Variants in ELOVL7 observed in about 807,000 individuals in gnomAD.
The protein encoded by ELOVL7 is ELOVL fatty acid elongase 7, also known as very long chain fatty acid elongase 7.
Under a neutral mutation model 35.7 loss-of-function variants are expected in ELOVL7, and 27 were observed. That is an observed-to-expected ratio of 0.76 (90% CI 0.56 to 1.04). ELOVL7 has a LOEUF of 1.04. ELOVL7 is among the 50% of genes least tolerant of loss of function. ELOVL7 has a pLI of 0.00. For missense variants in ELOVL7, 327 were observed against 340.8 expected, an observed-to-expected ratio of 0.96 and a Z score of 0.32; for synonymous variants, 113 against 114.6, an observed-to-expected ratio of 0.99 and a Z score of 0.09.
Position 60,771,946 on chromosome 5 carries a change from T to G in ELOVL7, c.212A>C (p.Tyr71Ser). 1 of 1,613,874 alleles carries G rather than the reference T, an allele frequency of 6.2e-7. No homozygotes were observed. Among genetic ancestry groups the G allele is most frequent in the South Asian group, 1.1e-5 (1 of 91,028 alleles). The change falls in exon 4 of 9, where the codon TAC becomes TCC. Residue 71 changes from tyrosine to serine, a missense_variant. Physicochemically the swap from Tyr to Ser is moderately radical, Grantham distance 144. Coordinates refer to ENST00000508821, the MANE Select transcript of ELOVL7 (RefSeq NM_024930.3). ...AGAAAAGAGTACTATGAAAAAATTG[T>G]ACGTTATCATTGCTTTCTTGAGTTC... ...PFELKKAMIT[Y>S]NFFIVLFSVY...
chr5:60,761,911 C>G lies in ELOVL7; in HGVS notation c.499+2316G>C, dbSNP rs796632150. Among the ~76,000 whole-genome samples, 6 of 151,990 alleles carry G rather than the reference C, an allele frequency of 3.9e-5. No individual in the cohort carries two copies. The South Asian group carries it at 8.3e-4, about 21-fold the overall frequency. On this transcript the variant is annotated intron_variant, in intron 7 of 8. Coordinates refer to ENST00000508821, the MANE Select transcript of ELOVL7 (RefSeq NM_024930.3). ...GCCTGCGGCATATTCGATATTGAAG[C>G]CTGAGACTAATTCTGATTCTCCTTC... is the stretch of plus-strand genomic sequence containing the variant.
At chr5:60,833,255 G>A (rs1000954241) in intron 1 of ELOVL7, among the ~76,000 whole-genome samples, 2 of 152,166 alleles carry the variant, frequency 1.3e-5, no homozygotes, top group African/African-American at 2.4e-5. Flanking sequence ...TTGGCCAAAC[G>A]AAATGGCCTC....
At chr5:60,814,453 C>G (rs945126417) in intron 1 of ELOVL7, among the ~76,000 whole-genome samples, 3 of 152,110 alleles carry the variant, frequency 2.0e-5, no homozygotes, top group African/African-American at 7.2e-5. Flanking sequence ...TCCCCTGAAA[C>G]CAACTATTGT....
intron 1 of ELOVL7, among the ~76,000 whole-genome samples, chr5:60,815,932 G>C (rs568693773): frequency 6.6e-6 from 1 of 152,204 alleles, no homozygotes; most frequent in Non-Finnish European, 1.5e-5. Context: ...CAGATCTGAG[G>C]CATGTCCTGG....
intron 1 of ELOVL7, among the ~76,000 whole-genome samples, chr5:60,813,629 GT>G (rs1387269772): frequency 2.0e-5 from 3 of 151,242 alleles, no homozygotes; most frequent in Non-Finnish European, 2.9e-5. Context: ...TCAACTCTTT[GT>G]TTTTGTTTAT....
intron 1 of ELOVL7, among the ~76,000 whole-genome samples, chr5:60,810,581 A>G (rs1745186170): frequency 6.6e-6 from 1 of 152,246 alleles, no homozygotes; most frequent in African/African-American, 2.4e-5. Flanking sequence ...AGCACATTAT[A>G]TGTAACCAGT....
At chr5:60,798,470 G>A (rs1744398036) in intron 2 of ELOVL7, among the ~76,000 whole-genome samples, 1 of 152,134 alleles carries the variant, frequency 6.6e-6, no homozygotes, top group African/African-American at 2.4e-5. Flanking sequence ...GGGTGGAGGG[G>A]AGGTGCTTAG....
chr5:60,768,184 A>T (rs1378393957), intron 4 of ELOVL7, among the ~76,000 whole-genome samples: 1 of 152,184 alleles, frequency 6.6e-6, no homozygotes, highest in East Asian at 1.9e-4. Flanking sequence ...AGAATAAAAC[A>T]CTTGGAGTGT....
Position 60,753,623 on chromosome 5 carries a change from A to G in ELOVL7, c.*1001T>C, listed in dbSNP as rs1004161965. Reference sequence around the variant, plus strand: ...CAGCCACTCTAACTCATATCTGGAAACTGTGTACAATGGGTAATATTATTT... The same window carrying G: ...CAGCCACTCTAACTCATATCTGGAAGCTGTGTACAATGGGTAATATTATTT... On this transcript the variant is annotated 3_prime_UTR_variant, in exon 9 of 9. Coordinates refer to ENST00000508821, the MANE Select transcript of ELOVL7 (RefSeq NM_024930.3). 1.3e-5 allele frequency: 2 copies of G among 152,190 alleles called. No homozygotes were observed. Among genetic ancestry groups the G allele is most frequent in the African/African-American group, 4.8e-5 (2 of 41,442 alleles). 9.4% of individuals were successfully genotyped at this position (152,190 alleles called of 1,614,324 possible).
intron 3 of ELOVL7, among the ~76,000 whole-genome samples, chr5:60,783,795 T>A (rs1743402081): frequency 6.6e-6 from 1 of 152,142 alleles, no homozygotes; most frequent in African/African-American, 2.4e-5. Context: ...TAAAGAAACT[T>A]GAATGTTCCC....
chr5:60,764,485 C>T (rs1052976884), intron 6 of ELOVL7, among the ~76,000 whole-genome samples, 153 bp from the exon 7 acceptor site: 3 of 152,092 alleles, frequency 2.0e-5, no homozygotes, highest in African/African-American at 7.2e-5. Context: ...AGCTAATTCC[C>T]CAAGGGGCAG....
intron 2 of ELOVL7, among the ~76,000 whole-genome samples, chr5:60,789,469 T>A (rs1250713535): frequency 6.6e-6 from 1 of 152,216 alleles, no homozygotes; most frequent in Non-Finnish European, 1.5e-5. Flanking sequence ...AACCATTAAC[T>A]GTGTTGGCAG....
At chr5:60,801,259 G>C (rs942683279) in intron 1 of ELOVL7, among the ~76,000 whole-genome samples, 1 of 152,100 alleles carries the variant, frequency 6.6e-6, no homozygotes, top group Admixed American at 6.5e-5. Context: ...TTTGGTACAG[G>C]GTCCTGTAAC....
chr5:60,793,428 G>T (rs1730644823), intron 2 of ELOVL7, among the ~76,000 whole-genome samples: 1 of 152,126 alleles, frequency 6.6e-6, no homozygotes, highest in African/African-American at 2.4e-5. Flanking sequence ...CAAATATCAG[G>T]ATGACATGTT....
At chr5:60,802,392 T>C (rs567360608) in intron 1 of ELOVL7, among the ~76,000 whole-genome samples, 1 of 152,168 alleles carries the variant, frequency 6.6e-6, no homozygotes, top group Non-Finnish European at 1.5e-5. Context: ...TAAATCATTC[T>C]CAGACATGAC....
intron 1 of ELOVL7, among the ~76,000 whole-genome samples, chr5:60,801,008 G>A (rs971853277): frequency 3.9e-5 from 6 of 152,134 alleles, no homozygotes; most frequent in African/African-American, 1.2e-4. Flanking sequence ...ACTCACTGCA[G>A]CCTTGATCTC....
chr5:60,824,060 T>C (rs1429072421), intron 1 of ELOVL7, among the ~76,000 whole-genome samples: 1 of 152,070 alleles, frequency 6.6e-6, no homozygotes, highest in Non-Finnish European at 1.5e-5. Flanking sequence ...ACCAGGTAAA[T>C]ATGGAAGTAG....
At position 60,804,044 on chromosome 5, in the gene ELOVL7, T is replaced by A. The variant is rs902531872; in HGVS notation, c.-85-4814A>T. Among the ~76,000 whole-genome samples, 3 of 152,212 alleles carry A rather than the reference T, an allele frequency of 2.0e-5. No individual in the cohort carries two copies. The East Asian group carries it at 5.8e-4, about 29-fold the overall frequency. On this transcript the variant is annotated intron_variant, in intron 1 of 8. Coordinates refer to ENST00000508821, the MANE Select transcript of ELOVL7 (RefSeq NM_024930.3). Reference sequence around the variant, plus strand: ...TGGCACAAGCTCTTCAGTATAATCATGACTCTTGAGTTTGAGCAGAGGCAA... The same window carrying A: ...TGGCACAAGCTCTTCAGTATAATCAAGACTCTTGAGTTTGAGCAGAGGCAA...
chr5:60,786,548 G>T (rs1239180252), intron 3 of ELOVL7, among the ~76,000 whole-genome samples: 12 of 152,098 alleles, frequency 7.9e-5, no homozygotes, highest in African/African-American at 2.9e-4. Flanking sequence ...GTAAAAGGCA[G>T]GCATATCAGA....
Sources: allele counts gnomAD v4.1 joint callset (sites outside exome capture counted in the v4.1 genomes callset), GRCh38; gene constraint gnomAD v4.1.1; transcripts MANE v1.5; gene names NCBI Gene and HGNC (gene_info 2026-07-23, HGNC 2026-07-21).